The following ARFGEF1 variants were observed in gnomAD, a reference collection of about 807,000 sequenced individuals.
The protein encoded by ARFGEF1 is brefeldin A-inhibited guanine nucleotide-exchange protein 1.
A neutral mutation model predicts 231.0 loss-of-function variants in ARFGEF1; 42 were observed. The observed-to-expected ratio is 0.18, with a 90% CI of 0.14 to 0.24. The LOEUF is 0.24. ARFGEF1 is among the 10% of genes least tolerant of loss of function. ARFGEF1 has a pLI of 1.00. For synonymous variants in ARFGEF1, 710 were observed against 732.3 expected (o/e 0.97, Z 0.49); for missense variants, 1,345 against 2,192.0 (o/e 0.61, Z 7.72).
intron 33 of ARFGEF1, among the ~76,000 whole-genome samples, chr8:67,213,219 G>A (rs1278746971): frequency 6.6e-6 from 1 of 152,154 alleles, no homozygotes; most frequent in Non-Finnish European, 1.5e-5. Context: ...AAGTTGTGGG[G>A]AACAAATCTG....
At chr8:67,342,004 T>C (rs1203459675) in intron 1 of ARFGEF1, among the ~76,000 whole-genome samples, 3 of 152,212 alleles carry the variant, frequency 2.0e-5, no homozygotes, top group Non-Finnish European at 4.4e-5. Context: ...AATGGTAGTC[T>C]TCCATTTAAT....
chr8:67,248,605 T>C (rs1239936417), intron 19 of ARFGEF1, among the ~76,000 whole-genome samples: 1 of 150,172 alleles, frequency 6.7e-6, no homozygotes, highest in Non-Finnish European at 1.5e-5. Context: ...TACCCCACAA[T>C]CACAGGTAAC....
intron 1 of ARFGEF1, among the ~76,000 whole-genome samples, chr8:67,322,676 G>C (rs1807652065): frequency 6.6e-6 from 1 of 152,184 alleles, no homozygotes; most frequent in African/African-American, 2.4e-5. Flanking sequence ...CTGCTCTCTA[G>C]CCTGGGCAAC....
chr8:67,338,702 T>C (rs751203770), intron 1 of ARFGEF1, among the ~76,000 whole-genome samples: 1 of 152,198 alleles, frequency 6.6e-6, no homozygotes, highest in Non-Finnish European at 1.5e-5. Flanking sequence ...CAAATACAAA[T>C]AGGATCAATC....
intron 35 of ARFGEF1, 70 bp downstream of exon 35, chr8:67,204,610 C>A: frequency 6.6e-7 from 1 of 1,509,542 alleles, no homozygotes; most frequent in South Asian, 1.3e-5. Flanking sequence ...TAGCCTAACT[C>A]TACAGCCCAG....
At chr8:67,176,456 C>G (rs565871763) in intron 5 of ARFGEF1, among the ~76,000 whole-genome samples, 10 of 152,090 alleles carry the variant, frequency 6.6e-5, no homozygotes, top group Non-Finnish European at 1.5e-4. Flanking sequence ...ATTGTCGTCC[C>G]TTCATCTGGT....
intron 5 of ARFGEF1, among the ~76,000 whole-genome samples, chr8:67,183,843 ATTTTTTTTTTTTTTTT>A (rs918103972): frequency 9.2e-6 from 1 of 108,182 alleles, no homozygotes; most frequent in South Asian, 3.1e-4. Context: ...AAAATTGGGA[ATTTTTTTTTTTTTTTT>A]TTTTTTTTTT....
rs1337787843 is a variant in ARFGEF1, at chr8:67,219,557, A to G, written c.4212T>C (p.Gly1404=). 1 of 1,592,428 alleles carries G rather than the reference A, an allele frequency of 6.3e-7. No individual in the cohort carries two copies. The highest frequency in any genetic ancestry group is 1.2e-5 in the South Asian group (1 of 85,876). The stretch of plus-strand genomic sequence containing the variant: ...TCATTATTTCAAACATTACTGTTAA[A>G]CCCCTAAAATGACAAAACACAATTA... ...NRCKLDVRTR[G]LTVMFEIMKT... The change falls in exon 30 of 39, where the codon GGT becomes GGC. Residue 1404 remains glycine, a synonymous_variant. Coordinates refer to ENST00000262215, the MANE Select transcript of ARFGEF1 (RefSeq NM_006421.5).
At chr8:67,251,503 A>G (rs1840282636) in intron 18 of ARFGEF1, 53 bp from the exon 19 acceptor site, 1 of 1,449,094 alleles carries the variant, frequency 6.9e-7, no homozygotes, top group Non-Finnish European at 9.2e-7. Context: ...TAAGAATTCT[A>G]TTTTGATATT....
intron 1 of ARFGEF1, among the ~76,000 whole-genome samples, chr8:67,302,813 G>A: frequency 1.3e-5 from 2 of 149,756 alleles, no homozygotes; most frequent in Non-Finnish European, 1.5e-5. Context: ...AGTGGCTCAC[G>A]CCTGTAATCC....
chr8:67,266,847 A>G (rs1230539344), intron 13 of ARFGEF1, 29 bp downstream of exon 13: 1 of 1,568,954 alleles, frequency 6.4e-7, no homozygotes, highest in Admixed American at 1.8e-5. Flanking sequence ...TAAAATGACA[A>G]AGAATTACAG....
intron 27 of ARFGEF1, among the ~76,000 whole-genome samples, chr8:67,226,579 A>G (rs781421290): frequency 5.3e-5 from 8 of 152,136 alleles, no homozygotes; most frequent in Non-Finnish European, 1.2e-4. Context: ...TGCTTAGTGT[A>G]ATACTTAAGC....
At chr8:67,222,479 G>A (rs1011642589) in intron 29 of ARFGEF1, among the ~76,000 whole-genome samples, 3 of 151,482 alleles carry the variant, frequency 2.0e-5, no homozygotes, top group Non-Finnish European at 2.9e-5. Context: ...TTGAGACAGA[G>A]TCTCACTCTG....
At chr8:67,219,030 G>A (rs953412983) in intron 30 of ARFGEF1, among the ~76,000 whole-genome samples, 17 of 152,204 alleles carry the variant, frequency 1.1e-4, no homozygotes, top group Middle Eastern at 3.4e-3. Flanking sequence ...GCAGTGGCGC[G>A]ATCTCAGCTC....
intron 19 of ARFGEF1, among the ~76,000 whole-genome samples, chr8:67,241,800 G>C (rs1839938135): frequency 6.6e-6 from 1 of 152,078 alleles, no homozygotes; most frequent in Non-Finnish European, 1.5e-5. Flanking sequence ...ATCACTGAAA[G>C]GGACATTGAA....
chr8:67,174,448 G>A (rs1212726316), downstream of ARFGEF1: 1 of 152,096 alleles, frequency 6.6e-6, no homozygotes, highest in Non-Finnish European at 1.5e-5. Context: ...TGAACTGTAT[G>A]TTTCTTCTCA....
At chr8:67,227,629 AT>A (rs1839418563) in intron 25 of ARFGEF1, 31 bp from the exon 26 acceptor site, 1 of 1,597,644 alleles carries the variant, frequency 6.3e-7, no homozygotes, top group East Asian at 2.2e-5. Flanking sequence ...AACGATGCTA[AT>A]TAATATCAGC....
chr8:67,252,693 G>C (rs1030757938), intron 18 of ARFGEF1, among the ~76,000 whole-genome samples: 4 of 152,022 alleles, frequency 2.6e-5, no homozygotes, highest in African/African-American at 9.7e-5. Flanking sequence ...AATTACCACT[G>C]TCCACAGGTA....
chr8:67,299,450 T>C, intron 3 of ARFGEF1, 95 bp from the exon 4 acceptor site: 1 of 1,167,028 alleles, frequency 8.6e-7, no homozygotes. Flanking sequence ...TACAATTGAA[T>C]ATACATAAAA....
Sources: gnomAD v4.1 joint callset for allele counts (sites outside exome capture counted in the v4.1 genomes callset) on GRCh38, gnomAD v4.1.1 for gene constraint, MANE v1.5 for transcripts, NCBI Gene and HGNC (gene_info 2026-07-23, HGNC 2026-07-21) for gene names.